The following STARD5 variants were observed in gnomAD, a reference collection of about 807,000 sequenced individuals.
The protein encoded by STARD5 is stAR-related lipid transfer protein 5.
Under a neutral mutation model 24.6 loss-of-function variants are expected in STARD5, and 26 were observed. That is an observed-to-expected ratio of 1.06 (90% confidence interval 0.77 to 1.47). The LOEUF (loss-of-function observed/expected upper bound fraction) is 1.47. STARD5 is among the 40% of genes most tolerant of loss of function. The pLI is 0.00. For synonymous variants in STARD5, 101 were observed against 99.7 expected (o/e 1.01, Z -0.07); for missense variants, 254 against 270.8 (o/e 0.94, Z 0.44).
At chr15:81,318,241 G>C (rs914819939) in intron 5 of STARD5, among the ~76,000 whole-genome samples, 168 bp downstream of exon 5, 2 of 152,208 alleles carry the variant, frequency 1.3e-5, no homozygotes, top group Non-Finnish European at 2.9e-5. Context: ...AGGAGGTTCT[G>C]CTTATGCAGA....
intron 1 of STARD5, 113 bp from the exon 2 acceptor site, chr15:81,323,061 C>A: frequency 1.8e-6 from 2 of 1,117,570 alleles, no homozygotes; most frequent in East Asian, 2.5e-5. Context: ...TACGACTCTC[C>A]AAGGCTGTGC....
At position 81,322,427 on chromosome 15, in the gene STARD5, A is replaced by T. The variant is rs1373823783; in HGVS notation, c.263T>A (p.Ile88Asn). ...ACTTACGTCAGTGATGCTTTGGATA[A>T]TTTCAAAACCGGTCACATTCTCATC... ...KWDENVTGFE[I>N]IQSITDTLCV... The change falls in exon 3 of 6, where the codon ATT (isoleucine) becomes AAT (asparagine). Residue 88 changes from isoleucine (I) to asparagine (N), a missense_variant. Ile to Asn is a moderately radical substitution (Grantham distance 149, BLOSUM62 -3). Coordinates refer to ENST00000302824, the MANE Select transcript of STARD5 (RefSeq NM_181900.3). 11 of 1,614,194 alleles carry T rather than the reference A, an allele frequency of 6.8e-6. No individual in the cohort carries two copies. The highest frequency in any genetic ancestry group is 9.3e-6 in the Non-Finnish European group (11 of 1,180,034).
intron 4 of STARD5, among the ~76,000 whole-genome samples, chr15:81,319,074 C>T (rs1207818559): frequency 6.6e-6 from 1 of 151,354 alleles, no homozygotes; most frequent in Non-Finnish European, 1.5e-5. Flanking sequence ...GTGTACAGCA[C>T]ACACCATGAG....
chr15:81,319,468 A>C lies in STARD5; in HGVS notation c.283-12T>G. ...CTTACACACAGGGTCTGCCAAACCA[A>C]AGAAGCATGTAGCTGTGACTGCTGG... On this transcript the variant is annotated splice_polypyrimidine_tract_variant and intron_variant, in intron 3 of 5. Coordinates refer to ENST00000302824, the MANE Select transcript of STARD5 (RefSeq NM_181900.3). 1 of 1,611,200 alleles carries C rather than the reference A, an allele frequency of 6.2e-7. No homozygotes were observed. The highest frequency in any genetic ancestry group is 1.1e-5 in the South Asian group (1 of 91,040).
intron 4 of STARD5, among the ~76,000 whole-genome samples, chr15:81,318,849 G>A (rs944641184): frequency 6.6e-6 from 1 of 152,136 alleles, no homozygotes; most frequent in African/African-American, 2.4e-5. Flanking sequence ...TTTGGTCATG[G>A]GAGGAGGCAG....
rs1671689413 is a variant in STARD5, at chr15:81,311,162, C to T, written c.*2094G>A. The T allele has an allele frequency of 6.6e-6, 1 of 152,198 alleles. No individual in the cohort carries two copies. The highest frequency in any genetic ancestry group is 1.5e-5 in the Non-Finnish European group (1 of 68,040). 9.4% of individuals were successfully genotyped at this position (152,198 alleles called of 1,614,324 possible). A position where few individuals can be genotyped will look rare whatever the true frequency, so the allele number is the denominator to read the frequency against. On this transcript the variant is annotated 3_prime_UTR_variant, in exon 6 of 6. Coordinates refer to ENST00000302824, the MANE Select transcript of STARD5 (RefSeq NM_181900.3). ...TCTGCCAACTTCTTCAGAGCTGACA[C>T]AGGATGAAGGCAATGCCATCCTCAA...
rs1159778253 is a variant in STARD5 at position 81,318,499 on chromosome 15, G to A, written c.404C>T (p.Thr135Ile). 6.2e-7 allele frequency: 1 copy of A among 1,613,734 alleles called. No individual in the cohort carries two copies. Among genetic ancestry groups the A allele is most frequent in the African/African-American group, 1.3e-5 (1 of 74,888 alleles). Residue 135 changes from threonine to isoleucine, a missense_variant, in exon 5 of 6, where the codon ACC becomes ATC. Coordinates refer to ENST00000302824, the MANE Select transcript of STARD5 (RefSeq NM_181900.3). ...YEDGTISSNA[T>I]HVEHPLCPPK... Reference sequence around the variant, plus strand: ...GGGACATAACGGATGCTCCACATGGGTGGCTGGAAGACAGTGCAGAATCTC... The same window carrying A: ...GGGACATAACGGATGCTCCACATGGATGGCTGGAAGACAGTGCAGAATCTC...
At chr15:81,316,454 T>C (rs994442078) in intron 5 of STARD5, among the ~76,000 whole-genome samples, 2 of 152,356 alleles carry the variant, frequency 1.3e-5, no homozygotes, top group East Asian at 3.9e-4. Flanking sequence ...AGAATGAGAC[T>C]GTGGCTCTCT....
rs566830263 is a variant in STARD5, at chr15:81,311,831, C to T, written c.*1425G>A. 1 of 152,290 alleles carries T rather than the reference C, an allele frequency of 6.6e-6. No individual in the cohort carries two copies. Among genetic ancestry groups the T allele is most frequent in the Non-Finnish European group, 1.5e-5 (1 of 68,026 alleles). The allele number at this position is 152,290 out of a possible 1,614,324, so 9.4% of individuals were successfully genotyped here. A position where few individuals can be genotyped will look rare whatever the true frequency, so the allele number is the denominator to read the frequency against. On this transcript the variant is annotated 3_prime_UTR_variant, in exon 6 of 6. Coordinates refer to ENST00000302824, the MANE Select transcript of STARD5 (RefSeq NM_181900.3). ...TTGAAAAGGGTGTTAGCTAAAGGATCTTAGGCATGACTGTAGAATTTGTAG... is the reference window on the plus strand; with the variant it reads ...TTGAAAAGGGTGTTAGCTAAAGGATTTTAGGCATGACTGTAGAATTTGTAG...
At chr15:81,323,030 G>C in intron 1 of STARD5, 82 bp from the exon 2 acceptor site, 5 of 1,485,828 alleles carry the variant, frequency 3.4e-6, no homozygotes, top group Non-Finnish European at 4.7e-6. Flanking sequence ...CTACAGAAGA[G>C]GGGTAAGAGG....
At chr15:81,314,927 TTCAAG>T (rs1300840626) in intron 5 of STARD5, among the ~76,000 whole-genome samples, 1 of 145,618 alleles carries the variant, frequency 6.9e-6, no homozygotes, top group Non-Finnish European at 1.5e-5. Context: ...AATCTCACTC[TTCAAG>T]TCATACAGAA....
intron 2 of STARD5, 29 bp downstream of exon 2, chr15:81,322,870 G>A (rs1423237681): frequency 6.2e-7 from 1 of 1,614,004 alleles, no homozygotes; most frequent in East Asian, 2.2e-5. Context: ...CGGCACCTCT[G>A]GTAATCTTTG....
chr15:81,320,404 A>G (rs1298506976), intron 3 of STARD5, among the ~76,000 whole-genome samples: 1 of 151,538 alleles, frequency 6.6e-6, no homozygotes, highest in Non-Finnish European at 1.5e-5. Context: ...TTTCCAGGAA[A>G]CTACTCCGTG....
intron 4 of STARD5, 28 bp downstream of exon 4, chr15:81,319,311 C>T (rs1567056153): frequency 6.3e-7 from 1 of 1,580,170 alleles, no homozygotes; most frequent in African/African-American, 1.3e-5. Context: ...CGCAGGAAGG[C>T]ATGGCAGCTC....
At chr15:81,323,677 C>T (rs1893334452) in intron 1 of STARD5, 1 of 994,230 alleles carries the variant, frequency 1.0e-6, no homozygotes, top group African/African-American at 1.6e-5. Flanking sequence ...TTTTTAAACA[C>T]CTGCTTACCC....
In STARD5 at chr15:81,312,606, T is replaced by C. The variant is rs1055066432; in HGVS notation, c.*650A>G. The C allele has an allele frequency of 3.3e-5, 5 of 152,248 alleles. No individual in the cohort carries two copies. The highest frequency in any genetic ancestry group is 1.2e-4 in the African/African-American group (5 of 41,472). The allele number at this position is 152,248 out of a possible 1,614,324, so 9.4% of individuals were successfully genotyped here. ...TCTGGTTTCACCGAGGACATGAAACTCCACCTTGCGGGGATAAAGAGAGAA... is the reference window on the plus strand; with the variant it reads ...TCTGGTTTCACCGAGGACATGAAACCCCACCTTGCGGGGATAAAGAGAGAA... On this transcript the variant is annotated 3_prime_UTR_variant, in exon 6 of 6. Coordinates refer to ENST00000302824, the MANE Select transcript of STARD5 (RefSeq NM_181900.3).
intron 2 of STARD5, 107 bp downstream of exon 2, chr15:81,322,792 T>G: frequency 6.9e-7 from 1 of 1,447,638 alleles, no homozygotes; most frequent in South Asian, 1.2e-5. Context: ...GGAGGACAAG[T>G]GATCACAGGT....
intron 3 of STARD5, among the ~76,000 whole-genome samples, chr15:81,319,859 CACG>C (rs1477350037): frequency 4.6e-5 from 7 of 152,178 alleles, no homozygotes; most frequent in African/African-American, 1.4e-4. Context: ...AGGAACTCAG[CACG>C]AAGCTCATGG....
At position 81,319,364 on chromosome 15, in the gene STARD5, A is replaced by G. The variant is rs760370422; in HGVS notation, c.375T>C (p.Tyr125=). 26 of 1,614,074 alleles carry G rather than the reference A, an allele frequency of 1.6e-5. No homozygotes were observed. Among genetic ancestry groups the G allele is most frequent in the Admixed American group, 5.0e-5 (3 of 60,012 alleles). The change falls in exon 4 of 6, where the codon TAT becomes TAC. Residue 125 remains tyrosine, a synonymous_variant. Transcript: ENST00000302824. The part of the protein sequence containing the change: ...DFVDLVLVKR[Y]EDGTISSNAT... ...CGTTGGAACTGATGGTCCCATCCTC[A>G]TATCTCTTGACTAGCACCAAGTCCA...
Sources: allele counts gnomAD v4.1 joint callset (sites outside exome capture counted in the v4.1 genomes callset), GRCh38; gene constraint gnomAD v4.1.1; transcripts MANE v1.5; gene names NCBI Gene and HGNC (gene_info 2026-07-23, HGNC 2026-07-21).